Variants in ADGRE2 observed in about 807,000 individuals in gnomAD.
ADGRE2 encodes adhesion G protein-coupled receptor E2.
Under a neutral mutation model 100.8 loss-of-function variants are expected in ADGRE2, and 83 were observed. The observed-to-expected ratio is 0.82, with a 90% confidence interval of 0.69 to 0.99. The LOEUF (loss-of-function observed/expected upper bound fraction) is 0.99, where lower values mean the gene tolerates loss of function less well. ADGRE2 is among the 50% of genes least tolerant of loss of function. The probability of loss-of-function intolerance (pLI) is 0.00; values close to 1 mark genes in which losing one functional copy is unlikely to be tolerated. For synonymous variants in ADGRE2, 355 were observed against 413.0 expected (o/e 0.86, Z 1.70); for missense variants, 814 against 1,035.7 (o/e 0.79, Z 2.94).
At chr19:14,731,586 T>G (rs1215210575), downstream of ADGRE2, 3 of 174,546 alleles carry the variant, frequency 1.7e-5, no homozygotes, top group African/African-American at 4.7e-5. Flanking sequence ...CTCCTTTGTC[T>G]GCTGTCTTTG....
At chr19:14,750,956 G>A (rs183511192) in intron 16 of ADGRE2, among the ~76,000 whole-genome samples, 141 of 152,192 alleles carry the variant, frequency 9.3e-4, no homozygotes, top group African/African-American at 3.3e-3. Flanking sequence ...TAGGACTACA[G>A]GTGTGTGCCA....
In ADGRE2 at chr19:14,744,411, GGAACAACAAAC is replaced by G. The variant is rs1016450010; in HGVS notation, c.2184-638_2184-628del. ...TCATTAATTTTGCACAAGGGTGCCT[GGAACAACAAAC>G]TGCTCAAACCCTGTAGAGGAATTAT... On this transcript the variant is annotated intron_variant, in intron 18 of 20. Coordinates refer to ENST00000315576, the MANE Select transcript of ADGRE2 (RefSeq NM_013447.4). Among the ~76,000 whole-genome samples the G allele has an allele frequency of 1.4e-4, 22 of 152,216 alleles. No individual in the cohort carries two copies. In the East Asian group the frequency reaches 1.9e-3, roughly 13 times the overall value.
At chr19:14,731,863 T>G (rs1378652668), downstream of ADGRE2, 1 of 152,116 alleles carries the variant, frequency 6.6e-6, no homozygotes, top group African/African-American at 2.4e-5. Flanking sequence ...CTTAATAAAT[T>G]TAAAAAGTGA....
chr19:14,725,465 A>T, the ADGRE2 span, among the ~76,000 whole-genome samples: 8 of 152,296 alleles, frequency 5.3e-5, no homozygotes, highest in East Asian at 1.5e-3. Context: ...TTCCACCATC[A>T]ACTCAATCAA....
At position 14,746,897 on chromosome 19, in the gene ADGRE2, G is replaced by C; in HGVS notation, c.2090C>G (p.Ser697Cys). Residue 697 changes from serine to cysteine, a missense_variant and splice_region_variant, in exon 17 of 21, where the codon TCT becomes TGT. Ser to Cys is a moderately radical substitution (Grantham distance 112). This residue lies in a region of ADGRE2 where 569 missense variants were observed against 692.7 expected (regional missense o/e 0.82). Coordinates refer to ENST00000315576, the MANE Select transcript of ADGRE2 (RefSeq NM_013447.4). ...GGATGCTCAGATGATGTCACTCACAGAGAAGATGGCGCAGACAGGTCCAAG... is the reference window on the plus strand; with the variant it reads ...GGATGCTCAGATGATGTCACTCACACAGAAGATGGCGCAGACAGGTCCAAG... Reference protein sequence around the residue: ...GFLGPVCAIFSVNLVLFLVTL... With the variant: ...GFLGPVCAIFCVNLVLFLVTL... The C allele has an allele frequency of 6.2e-7, 1 of 1,613,686 alleles. No individual in the cohort carries two copies. Among genetic ancestry groups the C allele is most frequent in the South Asian group, 1.1e-5 (1 of 91,018 alleles).
chr19:14,776,145 G>A (rs1226330235), intron 2 of ADGRE2, among the ~76,000 whole-genome samples: 2 of 152,142 alleles, frequency 1.3e-5, no homozygotes, highest in African/African-American at 4.8e-5. Flanking sequence ...AGGGGCTTTA[G>A]AGATGGGGAC....
At chr19:14,765,217 A>T in intron 10 of ADGRE2, 103 bp downstream of exon 10, 1 of 1,198,354 alleles carries the variant, frequency 8.3e-7, no homozygotes. Flanking sequence ...ACCAGCACCC[A>T]CTGCATTGGG....
At chr19:14,760,618 CAA>C in intron 11 of ADGRE2, among the ~76,000 whole-genome samples, 1 of 141,430 alleles carries the variant, frequency 7.1e-6, no homozygotes. Context: ...GCCATCTAAA[CAA>C]AAAAAAAAAA....
chr19:14,772,239 T>C (rs1186039978), intron 5 of ADGRE2, 103 bp downstream of exon 5: 2 of 1,507,114 alleles, frequency 1.3e-6, no homozygotes, highest in Non-Finnish European at 1.8e-6. Context: ...CTCCAGGAAC[T>C]GAACCTATAC....
At chr19:14,764,105 C>A (rs1307062991) in intron 11 of ADGRE2, among the ~76,000 whole-genome samples, 2 of 151,882 alleles carry the variant, frequency 1.3e-5, no homozygotes, top group Admixed American at 6.6e-5. Context: ...CCCTGTGAAC[C>A]AGGCTGGAGT....
chr19:14,743,796 A>G lies in ADGRE2; in HGVS notation c.2184-12T>C, dbSNP rs1599792099. Reference sequence around the variant, plus strand: ...TAAATGCCAGCATCCTGGATTGAGTAAGAAAGGAGGCTGGTGATGCACCCA... The same window carrying G: ...TAAATGCCAGCATCCTGGATTGAGTGAGAAAGGAGGCTGGTGATGCACCCA... On this transcript the variant is annotated splice_polypyrimidine_tract_variant and intron_variant, in intron 18 of 20. Coordinates refer to ENST00000315576, the MANE Select transcript of ADGRE2 (RefSeq NM_013447.4). 1 of 1,613,262 alleles carries G rather than the reference A, an allele frequency of 6.2e-7. No homozygotes were observed. The highest frequency in any genetic ancestry group is 1.1e-5 in the South Asian group (1 of 91,032).
chr19:14,726,399 C>T, the ADGRE2 span, among the ~76,000 whole-genome samples: 60 of 152,274 alleles, frequency 3.9e-4, no homozygotes, highest in African/African-American at 1.3e-3. Context: ...CTTTTAGTCA[C>T]GTTAGTCTCT....
At chr19:14,751,929 ATATTT>A (rs1300188013) in intron 15 of ADGRE2, among the ~76,000 whole-genome samples, 207 of 83,696 alleles carry the variant, frequency 2.5e-3, no homozygotes, top group South Asian at 0.011. Flanking sequence ...ATATATATAT[ATATTT>A]TTTTTTTTTT....
chr19:14,729,999 CTACTT>C (rs1456522731), downstream of ADGRE2, among the ~76,000 whole-genome samples: 2 of 152,092 alleles, frequency 1.3e-5, no homozygotes, highest in Non-Finnish European at 2.9e-5. Context: ...GCTAAAATGA[CTACTT>C]TAGCCAAAAA....
chr19:14,729,870 C>T (rs952873019), downstream of ADGRE2, among the ~76,000 whole-genome samples: 1 of 152,154 alleles, frequency 6.6e-6, no homozygotes, highest in Non-Finnish European at 1.5e-5. Flanking sequence ...TCATGTTGCT[C>T]TTGATAAATA....
intron 5 of ADGRE2, among the ~76,000 whole-genome samples, chr19:14,771,038 T>C (rs1409798390): frequency 6.6e-6 from 1 of 152,152 alleles, no homozygotes; most frequent in Admixed American, 6.5e-5. Context: ...GATATGTGCA[T>C]GCAATGTAGC....
intron 18 of ADGRE2, among the ~76,000 whole-genome samples, chr19:14,744,739 G>A (rs1172528588): frequency 1.3e-5 from 2 of 152,048 alleles, no homozygotes; most frequent in South Asian, 2.1e-4. Context: ...ACAGGCGTGA[G>A]CCACCATGCC....
chr19:14,754,987 G>C lies in ADGRE2; in HGVS notation c.1557C>G (p.Ser519Arg). The change falls in exon 14 of 21, where the codon AGC becomes AGG. Residue 519 changes from serine (S) to arginine (R), a missense_variant. By Grantham distance (110) the Ser-to-Arg change is moderately radical. Around this residue, in one of 5 missense-constraint regions of ADGRE2, gnomAD observed 569 missense variants for 692.7 expected, o/e 0.82. Coordinates refer to ENST00000315576, the MANE Select transcript of ADGRE2 (RefSeq NM_013447.4). The part of the protein sequence containing the change: ...STICRCTHLS[S>R]FAVLMAHYDV... Reference sequence around the variant, plus strand: ...CGTAGTGGGCCATGAGGACGGCAAAGCTGCTCAGGTGGGTGCAACGGCAGA... The same window carrying C: ...CGTAGTGGGCCATGAGGACGGCAAACCTGCTCAGGTGGGTGCAACGGCAGA... 6.2e-7 allele frequency: 1 copy of C among 1,614,092 alleles called. No individual in the cohort carries two copies. Among genetic ancestry groups the C allele is most frequent in the Non-Finnish European group, 8.5e-7 (1 of 1,180,044 alleles).
At chr19:14,760,051 C>A (rs569921585) in intron 11 of ADGRE2, among the ~76,000 whole-genome samples, 1 of 151,922 alleles carries the variant, frequency 6.6e-6, no homozygotes, top group South Asian at 2.1e-4. Context: ...ATCTCCTGAC[C>A]TCGTGATCCT....
Sources: gnomAD v4.1 joint callset for allele counts (sites outside exome capture counted in the v4.1 genomes callset) on GRCh38, gnomAD v4.1.1 for gene constraint, gnomAD v4.1.1 regional missense constraint, MANE v1.5 for transcripts, NCBI Gene and HGNC (gene_info 2026-07-23, HGNC 2026-07-21) for gene names.